Variants in TNRC18 observed in about 807,000 individuals in gnomAD.
The protein encoded by TNRC18 is trinucleotide repeat-containing gene 18 protein.
A neutral mutation model predicts 226.7 loss-of-function variants in TNRC18; 69 were observed. That is an observed-to-expected ratio of 0.30 (90% CI 0.25 to 0.37). The LOEUF (loss-of-function observed/expected upper bound fraction) is 0.37, where lower values mean the gene tolerates loss of function less well. TNRC18 is among the 10% of genes least tolerant of loss of function. The pLI is 1.00. For synonymous variants in TNRC18, 2,449 were observed against 1,927.6 expected, an observed-to-expected ratio of 1.27 and a Z score of -7.09; for missense variants, 4,754 against 4,256.6, an observed-to-expected ratio of 1.12 and a Z score of -3.25.
intron 18 of TNRC18, among the ~76,000 whole-genome samples, chr7:5,336,723 C>A (rs757244610): frequency 8.5e-5 from 13 of 152,124 alleles, no homozygotes; most frequent in Non-Finnish European, 1.5e-4. Context: ...GCCTGGGTGA[C>A]AGAGCAAGAC....
rs139524229 is a variant in TNRC18 at position 5,370,622 on chromosome 7, T to C, written c.3972A>G (p.Glu1324=). 2,903 of 1,613,252 alleles carry C rather than the reference T, an allele frequency of 1.8e-3. 10 individuals carry two copies. The highest frequency in any genetic ancestry group is 3.6e-3 in the Middle Eastern group (22 of 6,060). The change falls in exon 11 of 30, where the codon GAA becomes GAG. Residue 1324 remains glutamate, a synonymous_variant. Transcript: ENST00000430969. The stretch of plus-strand genomic sequence containing the variant: ...GCAGGAACTGGTCAGAGCTTGCCTC[T>C]TCCAGGAAGCAGGTGCTGCCGAGTA... The part of the protein sequence containing the change: ...VPVLGSTCFL[E]EASSDQFLPS...
chr7:5,375,308 C>CA (rs1450929320), intron 9 of TNRC18, among the ~76,000 whole-genome samples: 1 of 149,854 alleles, frequency 6.7e-6, no homozygotes, highest in Non-Finnish European at 1.5e-5. Context: ...GACTCCACCT[C>CA]AAAAAAACAA....
In TNRC18 at chr7:5,388,614, C is replaced by G. The variant is rs1780009927; in HGVS notation, c.1210G>C (p.Ala404Pro). 1.6e-6 allele frequency: 2 copies of G among 1,289,030 alleles called. No homozygotes were observed. Among genetic ancestry groups the G allele is most frequent in the Non-Finnish European group, 2.0e-6 (2 of 1,017,822 alleles). 79.8% of individuals were successfully genotyped at this position (1,289,030 alleles called of 1,614,324 possible). A position where few individuals can be genotyped will look rare whatever the true frequency, so the allele number is the denominator to read the frequency against. The change falls in exon 5 of 30, where the codon GCT becomes CCT. Residue 404 changes from alanine (A) to proline (P), a missense_variant. By Grantham distance (27) the Ala-to-Pro change is conservative. Coordinates refer to ENST00000430969, the MANE Select transcript of TNRC18 (RefSeq NM_001080495.3). The stretch of plus-strand genomic sequence containing the variant: ...GCCTGCAGGACCCCTGGCCTGCCAG[C>G]CTCGCGCTCGCGGGCCCGGGCATCG... ...ARDARARERE[A>P]GRPGVLQAPP...
chr7:5,380,074 T>C (rs1055368118), intron 5 of TNRC18, among the ~76,000 whole-genome samples: 10 of 152,274 alleles, frequency 6.6e-5, no homozygotes, highest in Middle Eastern at 6.8e-3. Context: ...ATGACCCTAA[T>C]GGGTGAGGAA....
intron 26 of TNRC18, among the ~76,000 whole-genome samples, chr7:5,314,390 G>A (rs539148174): frequency 6.6e-6 from 1 of 152,018 alleles, no homozygotes; most frequent in Non-Finnish European, 1.5e-5. Flanking sequence ...CCCAAAGCGG[G>A]TCCTCCTCTG....
At chr7:5,417,168 A>T (rs1241334540) in intron 2 of TNRC18, among the ~76,000 whole-genome samples, 6 of 148,690 alleles carry the variant, frequency 4.0e-5, no homozygotes, top group East Asian at 2.0e-4. Context: ...AAAAAAAAAA[A>T]TTTTAAGTAA....
rs1234498291 is a variant in TNRC18, at chr7:5,377,190, C to A, written c.2461+181G>T. ...GCATTGGGCATCTGCCCCAAACAGG[C>A]ATGGCAGAGGGGCCCCACGAGGCAG... On this transcript the variant is annotated intron_variant, in intron 7 of 29. Coordinates refer to ENST00000430969, the MANE Select transcript of TNRC18 (RefSeq NM_001080495.3). The surrounding 1 kb of genome is among the most constrained non-coding windows in gnomAD (Gnocchi z 5.8). Among the ~76,000 whole-genome samples the A allele has an allele frequency of 6.6e-6, 1 of 152,224 alleles. No homozygotes were observed. The highest frequency in any genetic ancestry group is 1.5e-5 in the Non-Finnish European group (1 of 68,034).
Position 5,377,424 on chromosome 7 carries a change from G to C in TNRC18, c.2408C>G (p.Pro803Arg). 1 of 1,596,906 alleles carries C rather than the reference G, an allele frequency of 6.3e-7. No homozygotes were observed. The highest frequency in any genetic ancestry group is 8.5e-7 in the Non-Finnish European group (1 of 1,172,902). ...TGCGTTGCCCGAGCGGGGCAACCAGGGGTGCGTGGCCAGATGGGCTGCGGG... is the reference window on the plus strand; with the variant it reads ...TGCGTTGCCCGAGCGGGGCAACCAGCGGTGCGTGGCCAGATGGGCTGCGGG... ...ADPAAHLATH[P>R]WLPRSGNASM... is the part of the protein sequence containing the mutation. The change falls in exon 7 of 30, where the codon CCC becomes CGC. Residue 803 changes from proline (P) to arginine (R), a missense_variant. By Grantham distance (103) the Pro-to-Arg change is moderately radical (BLOSUM62 -2). Coordinates refer to ENST00000430969, the MANE Select transcript of TNRC18 (RefSeq NM_001080495.3). The surrounding 1 kb of genome is among the most constrained non-coding windows in gnomAD (Gnocchi z 5.8).
At chr7:5,345,524 C>CCCCCCCCCCCCCCCCCCCCCCGCGG in intron 18 of TNRC18, 38 bp downstream of exon 18, 1 of 182,374 alleles carries the variant, frequency 5.5e-6, no homozygotes, top group Non-Finnish European at 1.2e-5. Flanking sequence ...TCCGCCCCTC[C>CCCCCCCCCCCCCCCCCCCCCCGCGG]CACCCACCCC....
At chr7:5,331,104 C>T (rs1789480619) in intron 19 of TNRC18, among the ~76,000 whole-genome samples, 1 of 152,142 alleles carries the variant, frequency 6.6e-6, no homozygotes, top group Non-Finnish European at 1.5e-5. Flanking sequence ...TTACACTGGC[C>T]CCTTCCTCAC....
chr7:5,377,109 G>T lies in TNRC18; in HGVS notation c.2462-116C>A. ...CCTGAACCTCCTGGGGCCTCCAGTG[G>T]GGAAGCCAAGGGACAGGGGTGCTGG... is the stretch of plus-strand genomic sequence containing the variant. On this transcript the variant is annotated intron_variant, in intron 7 of 29. Coordinates refer to ENST00000430969, the MANE Select transcript of TNRC18 (RefSeq NM_001080495.3). This position sits in a 1 kb window ranked among gnomAD's most constrained non-coding sequence, Gnocchi z 5.8. The T allele has an allele frequency of 7.1e-7, 1 of 1,401,266 alleles. No homozygotes were observed. The allele number at this position is 1,401,266 out of a possible 1,614,324, so 86.8% of individuals were successfully genotyped here.
At position 5,307,848 on chromosome 7, in the gene TNRC18, A is replaced by T; in HGVS notation, c.*258T>A. On this transcript the variant is annotated 3_prime_UTR_variant, in exon 30 of 30. Coordinates refer to ENST00000430969, the MANE Select transcript of TNRC18 (RefSeq NM_001080495.3). ...GGGCAGGAAGGGCCGGTCCGGCCAT[A>T]CCCTGATAGCTAAGAGGGGCCCCTG... 1 of 541,390 alleles carries T rather than the reference A, an allele frequency of 1.8e-6. No homozygotes were observed. The highest frequency in any genetic ancestry group is 3.3e-6 in the Non-Finnish European group (1 of 298,624). The allele number at this position is 541,390 out of a possible 1,614,324, so 33.5% of individuals were successfully genotyped here.
At chr7:5,382,667 C>T (rs535415856) in intron 5 of TNRC18, among the ~76,000 whole-genome samples, 2 of 152,282 alleles carry the variant, frequency 1.3e-5, no homozygotes, top group South Asian at 2.1e-4. Context: ...ATCCCCACAG[C>T]CCCTCCCTCC....
chr7:5,337,121 G>A (rs1790196462), intron 18 of TNRC18, among the ~76,000 whole-genome samples: 1 of 151,950 alleles, frequency 6.6e-6, no homozygotes, highest in Non-Finnish European at 1.5e-5. Flanking sequence ...CGAACCCCCA[G>A]GAACAACAAG....
intron 18 of TNRC18, among the ~76,000 whole-genome samples, chr7:5,334,164 A>G (rs1038288513): frequency 3.3e-5 from 5 of 152,258 alleles, no homozygotes; most frequent in Non-Finnish European, 7.3e-5. Flanking sequence ...TCCCAGGCCT[A>G]CTGACCCCGG....
At position 5,423,500 on chromosome 7, in the gene TNRC18, G is replaced by T. The variant is rs939036524; in HGVS notation, c.-303C>A. ...CGACAACGACTCCGGCGGCGGCCCCGGCTCCCGGCGCAGCTAGGCGCCCCT... is the reference window on the plus strand; with the variant it reads ...CGACAACGACTCCGGCGGCGGCCCCTGCTCCCGGCGCAGCTAGGCGCCCCT... On this transcript the variant is annotated 5_prime_UTR_variant, in exon 1 of 30. Coordinates refer to ENST00000430969, the MANE Select transcript of TNRC18 (RefSeq NM_001080495.3). The T allele has an allele frequency of 2.6e-5, 4 of 152,106 alleles. No homozygotes were observed. The highest frequency in any genetic ancestry group is 7.2e-5 in the African/African-American group (3 of 41,448). The allele number at this position is 152,106 out of a possible 1,614,324, so 9.4% of individuals were successfully genotyped here. A position where few individuals can be genotyped will look rare whatever the true frequency, so the allele number is the denominator to read the frequency against.
At chr7:5,383,427 A>G (rs1779536055) in intron 5 of TNRC18, among the ~76,000 whole-genome samples, 1 of 152,186 alleles carries the variant, frequency 6.6e-6, no homozygotes, top group Non-Finnish European at 1.5e-5. Flanking sequence ...AGAGGCGTTT[A>G]TAACGCACCC....
At position 5,324,153 on chromosome 7, in the gene TNRC18, G is replaced by C; in HGVS notation, c.6442+61C>G. ...TCAGTCTCAAGCCTTGCTCAGATCT[G>C]CCTCCCCCAAGGGAGGCTCCAGCAG... On this transcript the variant is annotated intron_variant, in intron 21 of 29. Transcript: ENST00000430969. The surrounding 1 kb of genome is among the most constrained non-coding windows in gnomAD (Gnocchi z 4.8). The C allele has an allele frequency of 3.3e-5, 51 of 1,524,116 alleles. No individual in the cohort carries two copies. Among genetic ancestry groups the C allele is most frequent in the Non-Finnish European group, 4.5e-5 (51 of 1,137,484 alleles). The allele number at this position is 1,524,116 out of a possible 1,614,324, so 94.4% of individuals were successfully genotyped here.
At chr7:5,310,763 C>T (rs1787094864) in intron 27 of TNRC18, among the ~76,000 whole-genome samples, 1 of 152,248 alleles carries the variant, frequency 6.6e-6, no homozygotes, top group Non-Finnish European at 1.5e-5. Flanking sequence ...ACCACTGACC[C>T]CTTCTGGAAC....
Sources: gnomAD v4.1 joint callset for allele counts (sites outside exome capture counted in the v4.1 genomes callset) on GRCh38, gnomAD v4.1.1 for gene constraint, Gnocchi (gnomAD v3.1) non-coding constraint, MANE v1.5 for transcripts, NCBI Gene and HGNC (gene_info 2026-07-23, HGNC 2026-07-21) for gene names.